DEUP1: variants seen among roughly 807,000 people sequenced by gnomAD.
DEUP1 encodes coiled-coil domain containing 67.
DEUP1 carries 82 observed loss-of-function variants against 87.4 expected under a neutral mutation model. The observed-to-expected ratio is 0.94, with a 90% CI of 0.78 to 1.13. The LOEUF is 1.13. Among genes scored for constraint, DEUP1 ranks in the 50% most tolerant of loss-of-function variants. DEUP1 has a pLI of 0.00. For synonymous variants in DEUP1, 214 were observed against 222.7 expected (o/e 0.96, Z 0.35); for missense variants, 663 against 681.5 (o/e 0.97, Z 0.30).
chr11:93,410,769 C>T (rs1157235706), intron 12 of DEUP1, among the ~76,000 whole-genome samples: 2 of 152,134 alleles, frequency 1.3e-5, no homozygotes, highest in East Asian at 3.8e-4. Flanking sequence ...GGGTTGCCCC[C>T]TTTTTTCTCT....
chr11:93,362,633 C>A (rs1262141101), intron 4 of DEUP1, among the ~76,000 whole-genome samples: 1 of 151,746 alleles, frequency 6.6e-6, no homozygotes, highest in Non-Finnish European at 1.5e-5. Flanking sequence ...TTTTGGAAGA[C>A]AATTTTTCTG....
At chr11:93,379,031 G>T (rs1946174533) in intron 7 of DEUP1, among the ~76,000 whole-genome samples, 1 of 152,088 alleles carries the variant, frequency 6.6e-6, no homozygotes, top group African/African-American at 2.4e-5. Flanking sequence ...TATTTAGTTT[G>T]CCTGAAACAT....
chr11:93,334,118 C>T (rs1416792366), intron 2 of DEUP1, among the ~76,000 whole-genome samples: 1 of 152,090 alleles, frequency 6.6e-6, no homozygotes, highest in Non-Finnish European at 1.5e-5. Flanking sequence ...GGTACTGTTC[C>T]ACTCATCACA....
At chr11:93,341,894 G>A (rs907536497) in intron 2 of DEUP1, among the ~76,000 whole-genome samples, 1 of 152,052 alleles carries the variant, frequency 6.6e-6, no homozygotes, top group Non-Finnish European at 1.5e-5. Context: ...GAGGCTCTAG[G>A]GGAGAATCTT....
chr11:93,377,551 G>T (rs182136393), intron 7 of DEUP1, among the ~76,000 whole-genome samples: 461 of 152,188 alleles, frequency 3.0e-3, no homozygotes, highest in African/African-American at 0.011. Context: ...TACTTGGTTG[G>T]TGAATTCTTA....
chr11:93,413,390 C>T (rs946152971), intron 12 of DEUP1, among the ~76,000 whole-genome samples: 6 of 152,048 alleles, frequency 3.9e-5, no homozygotes, highest in Admixed American at 1.3e-4. Context: ...TACAGGCGCC[C>T]GCCATCACGC....
At chr11:93,340,399 AG>A (rs1283370070) in intron 2 of DEUP1, among the ~76,000 whole-genome samples, 1 of 152,132 alleles carries the variant, frequency 6.6e-6, no homozygotes, top group Non-Finnish European at 1.5e-5. Context: ...GGAGGAAGCA[AG>A]GGGGAAAGTG....
intron 7 of DEUP1, among the ~76,000 whole-genome samples, chr11:93,380,465 A>G (rs931661185): frequency 1.3e-5 from 2 of 152,042 alleles, no homozygotes; most frequent in African/African-American, 2.4e-5. Flanking sequence ...CAGTGGTGCA[A>G]TCTCGGCTCA....
At chr11:93,337,019 T>G (rs982347795) in intron 2 of DEUP1, among the ~76,000 whole-genome samples, 1 of 152,222 alleles carries the variant, frequency 6.6e-6, no homozygotes, top group African/African-American at 2.4e-5. Context: ...TCTGTGACTT[T>G]TATCTTAGCC....
chr11:93,376,304 A>G (rs1946038405), intron 7 of DEUP1, among the ~76,000 whole-genome samples: 1 of 152,052 alleles, frequency 6.6e-6, no homozygotes, highest in African/African-American at 2.4e-5. Context: ...TGTTTCTTCT[A>G]GGAGTTTAAT....
intron 8 of DEUP1, among the ~76,000 whole-genome samples, chr11:93,386,525 T>C (rs576638389): frequency 6.6e-6 from 1 of 152,344 alleles, no homozygotes; most frequent in African/African-American, 2.4e-5. Flanking sequence ...ATAGGGATGC[T>C]TTATTGAAAG....
intron 5 of DEUP1, among the ~76,000 whole-genome samples, chr11:93,367,159 C>T (rs1053565400): frequency 1.3e-5 from 2 of 152,072 alleles, no homozygotes. Context: ...ATTTCTTCTT[C>T]GGCCTTAATA....
intron 13 of DEUP1, among the ~76,000 whole-genome samples, chr11:93,431,726 G>C (rs1376820507): frequency 3.9e-5 from 6 of 152,170 alleles, no homozygotes; most frequent in Non-Finnish European, 8.8e-5. Flanking sequence ...TAGCAGTGGA[G>C]ATAGAGCAAC....
rs117956028 is a variant in DEUP1, at chr11:93,361,824, A to G, written c.298-2336A>G. 1.7e-3 allele frequency among the ~76,000 whole-genome samples: 256 copies of G among 152,144 alleles called. 3 individuals carry two copies. The East Asian group carries it at 0.046, about 27-fold the overall frequency. ...ATGGTCTAAATACACCAACTGAAAG[A>G]CAGAGATTGACAATAAATTAAAAAA... On this transcript the variant is annotated intron_variant, in intron 4 of 13. Transcript: ENST00000298050.
intron 2 of DEUP1, chr11:93,352,197 T>C: frequency 1.8e-6 from 1 of 559,818 alleles, no homozygotes; most frequent in East Asian, 2.8e-5. Context: ...CTCTCCCTCC[T>C]GTCCTCCTCC....
At position 93,394,470 on chromosome 11, in the gene DEUP1, A is replaced by G. The variant is rs1946871978; in HGVS notation, c.1053A>G (p.Gln351=). The G allele has an allele frequency of 1.9e-6, 3 of 1,567,974 alleles. No individual in the cohort carries two copies. Among genetic ancestry groups the G allele is most frequent in the African/African-American group, 1.4e-5 (1 of 72,590 alleles). ...TCTATCTGCTGCAGATAAGAAGCCA[A>G]CTCCAACAGGTGGAAGAGTACCATA... ...HEKELNKIRS[Q]LQQVEEYHNS... The change falls in exon 10 of 14, where the codon CAA becomes CAG. Residue 351 remains glutamine (Q), a synonymous_variant. Transcript: ENST00000298050.
intron 2 of DEUP1, among the ~76,000 whole-genome samples, chr11:93,349,222 A>C (rs1296282559): frequency 1.3e-5 from 2 of 152,186 alleles, no homozygotes; most frequent in Admixed American, 1.3e-4. Context: ...ACTAGTGATG[A>C]TGACCTACAA....
At chr11:93,434,867 A>C (rs1948197930) in intron 13 of DEUP1, among the ~76,000 whole-genome samples, 3 of 152,202 alleles carry the variant, frequency 2.0e-5, no homozygotes, top group Admixed American at 2.0e-4. Context: ...CCACATCCTG[A>C]AGAATGGCAC....
intron 11 of DEUP1, among the ~76,000 whole-genome samples, chr11:93,404,144 G>A (rs905689322): frequency 6.6e-6 from 1 of 152,098 alleles, no homozygotes; most frequent in African/African-American, 2.4e-5. Context: ...GGGTTATGCA[G>A]CTCCCATTTG....
Sources: allele counts gnomAD v4.1 joint callset (sites outside exome capture counted in the v4.1 genomes callset), GRCh38; gene constraint gnomAD v4.1.1; transcripts MANE v1.5; gene names NCBI Gene and HGNC (gene_info 2026-07-23, HGNC 2026-07-21).